TK2: variants seen among roughly 807,000 people sequenced by gnomAD.
TK2 encodes the protein thymidine kinase 2, mitochondrial.
TK2 carries 35 observed loss-of-function variants against 41.9 expected under a neutral mutation model. That is an observed-to-expected ratio of 0.84 (90% CI 0.64 to 1.11). The LOEUF (loss-of-function observed/expected upper bound fraction) is 1.11. Ranked by LOEUF, TK2 falls within the 50% of genes least tolerant of loss-of-function variation. The probability of loss-of-function intolerance (pLI) is 0.00; values close to 1 mark genes in which losing one functional copy is unlikely to be tolerated. For missense variants in TK2, 320 were observed against 351.1 expected, an observed-to-expected ratio of 0.91 and a Z score of 0.71; for synonymous variants, 128 against 129.1, an observed-to-expected ratio of 0.99 and a Z score of 0.06.
At position 66,538,366 on chromosome 16, in the gene TK2, C is replaced by T. The variant is rs532707249; in HGVS notation, c.232-1349G>A. Among the ~76,000 whole-genome samples the T allele has an allele frequency of 7.9e-5, 12 of 152,196 alleles. No individual in the cohort carries two copies. In the South Asian group the frequency reaches 2.5e-3, roughly 32 times the overall value. On this transcript the variant is annotated intron_variant, in intron 3 of 9. Coordinates refer to ENST00000544898, the MANE Select transcript of TK2 (RefSeq NM_004614.5). ...CAGTTCAAATATGCCCTTCCCCTGC[C>T]CCTCTCAAACCCCCTCTCCTTCTTC...
chr16:66,547,012 C>T (rs899626310), intron 2 of TK2, among the ~76,000 whole-genome samples: 9 of 152,128 alleles, frequency 5.9e-5, no homozygotes, highest in African/African-American at 2.4e-5. Flanking sequence ...CTTTGCCTCC[C>T]GAAGTGCTGG....
At chr16:66,536,922 T>TA (rs1228607574) in intron 4 of TK2, 42 bp downstream of exon 4, 1 of 1,613,278 alleles carries the variant, frequency 6.2e-7, no homozygotes, top group African/African-American at 1.3e-5. Flanking sequence ...CTCAGGTGCT[T>TA]AAGGGGAAGC....
chr16:66,526,909 G>A (rs564680818), intron 6 of TK2, among the ~76,000 whole-genome samples: 54 of 152,300 alleles, frequency 3.5e-4, no homozygotes, highest in African/African-American at 1.2e-3. Flanking sequence ...TTTTTGAGAC[G>A]GAGTCTCGCT....
intron 6 of TK2, among the ~76,000 whole-genome samples, chr16:66,526,076 GC>G (rs1053795211): frequency 2.8e-4 from 42 of 152,264 alleles, no homozygotes; most frequent in African/African-American, 9.6e-4. Context: ...AGTTACCAAA[GC>G]CCATGGCCAT....
chr16:66,508,606 C>T lies in TK2; in HGVS notation c.*3362G>A, dbSNP rs1254103083. Reference sequence around the variant, plus strand: ...TAGGAAAAAAGAAGTGATTCAGATTCCATAGCACCCTGTGGGTAGACAGGT... The same window carrying T: ...TAGGAAAAAAGAAGTGATTCAGATTTCATAGCACCCTGTGGGTAGACAGGT... On this transcript the variant is annotated 3_prime_UTR_variant, in exon 10 of 10. Coordinates refer to ENST00000544898, the MANE Select transcript of TK2 (RefSeq NM_004614.5). 6.6e-6 allele frequency: 1 copy of T among 152,258 alleles called. No individual in the cohort carries two copies. The highest frequency in any genetic ancestry group is 1.5e-5 in the Non-Finnish European group (1 of 68,066). 9.4% of individuals were successfully genotyped at this position (152,258 alleles called of 1,614,324 possible).
chr16:66,542,221 T>C (rs1304015748), intron 2 of TK2, among the ~76,000 whole-genome samples: 2 of 152,184 alleles, frequency 1.3e-5, no homozygotes, highest in Non-Finnish European at 2.9e-5. Flanking sequence ...ACACAGCTTG[T>C]CTGCCCAGCC....
At chr16:66,550,232 G>A, upstream of TK2, 1 of 1,607,600 alleles carries the variant, frequency 6.2e-7, no homozygotes, top group Non-Finnish European at 8.5e-7. Flanking sequence ...GAGGTTCGCC[G>A]CTGGCAGCCA....
rs1214317723 is a variant in TK2 at position 66,516,989 on chromosome 16, A to G, written c.618+147T>C. 5 of 799,058 alleles carry G rather than the reference A, an allele frequency of 6.3e-6. No individual in the cohort carries two copies. The African/African-American group carries it at 6.7e-5, about 11-fold the overall frequency. The allele number at this position is 799,058 out of a possible 1,614,324, so 49.5% of individuals were successfully genotyped here. A position where few individuals can be genotyped will look rare whatever the true frequency, so the allele number is the denominator to read the frequency against. ...GGTCTCTGGCCAAACAGGAAGTCAG[A>G]GTTCACCCTCTGATACACTTGGTTC... is the stretch of plus-strand genomic sequence containing the variant. On this transcript the variant is annotated intron_variant, in intron 8 of 9. Coordinates refer to ENST00000544898, the MANE Select transcript of TK2 (RefSeq NM_004614.5).
intron 1 of TK2, chr16:66,549,280 T>C (rs1965706750): frequency 7.8e-7 from 1 of 1,277,228 alleles, no homozygotes; most frequent in Non-Finnish European, 1.0e-6. Context: ...GTTATTTATT[T>C]AGATCTTCAC....
At chr16:66,530,199 T>C (rs1400371403) in intron 5 of TK2, among the ~76,000 whole-genome samples, 1 of 152,200 alleles carries the variant, frequency 6.6e-6, no homozygotes, top group Non-Finnish European at 1.5e-5. Flanking sequence ...AAGACAGACT[T>C]ACAGAAGAAT....
chr16:66,548,468 A>G (rs1398933829), intron 2 of TK2, among the ~76,000 whole-genome samples: 1 of 152,044 alleles, frequency 6.6e-6, no homozygotes, highest in African/African-American at 2.4e-5. Context: ...CCCTTCTTTG[A>G]CCTTCAGCCT....
In TK2 at chr16:66,550,100, T is replaced by G. The variant is rs1275845245; in HGVS notation, c.-39A>C. On this transcript the variant is annotated 5_prime_UTR_variant, in exon 1 of 10. Coordinates refer to ENST00000544898, the MANE Select transcript of TK2 (RefSeq NM_004614.5). ...GATCCAGAGGCCCGGGGTTCCTTCT[T>G]GTGCGAGTCGGCGCGGACGACTGCT... is the stretch of plus-strand genomic sequence containing the variant. 6.2e-7 allele frequency: 1 copy of G among 1,608,152 alleles called. No individual in the cohort carries two copies. The highest frequency in any genetic ancestry group is 1.7e-5 in the Admixed American group (1 of 59,212).
intron 2 of TK2, 78 bp downstream of exon 2, chr16:66,548,900 C>T: frequency 7.0e-7 from 1 of 1,428,046 alleles, no homozygotes; most frequent in Non-Finnish European, 9.8e-7. Flanking sequence ...TGTATTTTTG[C>T]TTTTTACTCT....
intron 2 of TK2, chr16:66,548,748 G>C (rs1223358506): frequency 1.9e-6 from 1 of 537,708 alleles, no homozygotes; most frequent in Non-Finnish European, 3.4e-6. Context: ...TCTACCTGAA[G>C]GATACAAATA....
At chr16:66,534,678 T>C (rs1212995331) in intron 4 of TK2, among the ~76,000 whole-genome samples, 1 of 152,226 alleles carries the variant, frequency 6.6e-6, no homozygotes, top group Non-Finnish European at 1.5e-5. Context: ...CACACCCTCA[T>C]GTTTAAGCAC....
intron 9 of TK2, among the ~76,000 whole-genome samples, chr16:66,513,408 G>T (rs1422677318): frequency 6.6e-6 from 1 of 152,162 alleles, no homozygotes; most frequent in Non-Finnish European, 1.5e-5. Flanking sequence ...AAGGAGGAAG[G>T]TCACATCAGA....
At chr16:66,531,274 G>T in intron 5 of TK2, 106 bp downstream of exon 5, 1 of 1,119,148 alleles carries the variant, frequency 8.9e-7, no homozygotes, top group Non-Finnish European at 1.3e-6. Context: ...GCACAGCACT[G>T]AAGGCCTAGC....
chr16:66,518,922 G>C (rs1313285181), intron 6 of TK2, among the ~76,000 whole-genome samples: 1 of 152,002 alleles, frequency 6.6e-6, no homozygotes, highest in Admixed American at 6.6e-5. Flanking sequence ...TCAGCAGTGG[G>C]AGTTGGGGAG....
At chr16:66,537,055 G>A in intron 3 of TK2, 38 bp from the exon 4 acceptor site, 1 of 1,611,596 alleles carries the variant, frequency 6.2e-7, no homozygotes, top group Non-Finnish European at 8.5e-7. Context: ...CTGTTTCTCT[G>A]TGCTGAACCC....
Sources: gnomAD v4.1 joint callset for allele counts (sites outside exome capture counted in the v4.1 genomes callset) on GRCh38, gnomAD v4.1.1 for gene constraint, MANE v1.5 for transcripts, NCBI Gene and HGNC (gene_info 2026-07-23, HGNC 2026-07-21) for gene names.